The following ZMYM4 variants were observed in gnomAD, a reference collection of about 807,000 sequenced individuals.
The protein encoded by ZMYM4 is zinc finger MYM-type protein 4.
In ZMYM4, 31 loss-of-function variants were observed where a neutral mutation model predicts 183.2. The ratio of observed to expected loss-of-function variants is 0.17; its 90% CI spans 0.13 to 0.23. The LOEUF is 0.23. ZMYM4 is among the 10% of genes least tolerant of loss of function. The probability of loss-of-function intolerance (pLI) is 1.00; values close to 1 mark genes in which losing one functional copy is unlikely to be tolerated. For synonymous variants in ZMYM4, 592 were observed against 631.2 expected (o/e 0.94, Z 0.93); for missense variants, 1,273 against 1,840.3 (o/e 0.69, Z 5.64).
chr1:35,324,338 C>T (rs987564471), intron 1 of ZMYM4, among the ~76,000 whole-genome samples: 13 of 152,076 alleles, frequency 8.5e-5, no homozygotes, highest in Non-Finnish European at 1.9e-4. Flanking sequence ...ACCTTGTGAT[C>T]CGCCCACCTC....
At chr1:35,392,409 C>G in intron 16 of ZMYM4, 57 bp downstream of exon 16, 2 of 1,561,002 alleles carry the variant, frequency 1.3e-6, no homozygotes, top group Non-Finnish European at 1.7e-6. Flanking sequence ...GCAGTGGTCC[C>G]CTAACTTCCT....
At chr1:35,392,946 T>C (rs1051040526) in intron 17 of ZMYM4, among the ~76,000 whole-genome samples, 1 of 152,222 alleles carries the variant, frequency 6.6e-6, no homozygotes, top group Middle Eastern at 3.2e-3. Flanking sequence ...GTACAGGATT[T>C]AGGCCTGAAA....
chr1:35,405,634 G>A (rs1289936749), intron 25 of ZMYM4, among the ~76,000 whole-genome samples, 166 bp downstream of exon 25: 3 of 152,168 alleles, frequency 2.0e-5, no homozygotes, highest in Admixed American at 6.5e-5. Flanking sequence ...GTAAGGTTAT[G>A]TCTTCTGCTC....
At chr1:35,291,729 C>G (rs1369530066) in intron 1 of ZMYM4, among the ~76,000 whole-genome samples, 1 of 151,662 alleles carries the variant, frequency 6.6e-6, no homozygotes, top group East Asian at 1.9e-4. Flanking sequence ...CCTATGCCTC[C>G]TGAGTTCAAG....
chr1:35,354,498 G>A (rs1443279748), intron 2 of ZMYM4, among the ~76,000 whole-genome samples: 1 of 152,076 alleles, frequency 6.6e-6, no homozygotes, highest in African/African-American at 2.4e-5. Flanking sequence ...GGCCAAGGCG[G>A]GTGGATCACC....
At chr1:35,415,003 G>C (rs902076895) in intron 27 of ZMYM4, among the ~76,000 whole-genome samples, 3 of 152,118 alleles carry the variant, frequency 2.0e-5, no homozygotes, top group Admixed American at 2.0e-4. Context: ...AGCCCTGATC[G>C]TGCCACTGCA....
chr1:35,419,450 T>G lies in ZMYM4; in HGVS notation c.4440-20T>G, dbSNP rs1409826241. 2 of 1,605,822 alleles carry G rather than the reference T, an allele frequency of 1.2e-6. No individual in the cohort carries two copies. Among genetic ancestry groups the G allele is most frequent in the Non-Finnish European group, 1.7e-6 (2 of 1,177,434 alleles). ...TTTCTAATTTTCTTTTTTCTCTTTT[T>G]TTTTTTCCCCTGTGGATAGTTCTGA... On this transcript the variant is annotated intron_variant, in intron 29 of 29. Transcript: ENST00000314607.
Position 35,387,438 on chromosome 1 carries a change from G to A in ZMYM4, c.2113-16G>A, listed in dbSNP as rs1644601857. 2 of 1,595,696 alleles carry A rather than the reference G, an allele frequency of 1.3e-6. No individual in the cohort carries two copies. The highest frequency in any genetic ancestry group is 2.2e-5 in the East Asian group (1 of 44,792). ...ACCAAATGTTTAATTAGTACTTAAT[G>A]ATTATTTCTTTGCAGGGCAAAATGT... On this transcript the variant is annotated splice_polypyrimidine_tract_variant and intron_variant, in intron 12 of 29. Transcript: ENST00000314607.
At position 35,359,441 on chromosome 1, in the gene ZMYM4, AAGC is replaced by A; in HGVS notation, c.605_607del (p.Ala203del). 2 of 1,556,490 alleles carry A rather than the reference AAGC, an allele frequency of 1.3e-6. No homozygotes were observed. Among genetic ancestry groups the A allele is most frequent in the South Asian group, 2.5e-5 (2 of 80,038 alleles). On this transcript the variant is annotated inframe_deletion and splice_region_variant, in exon 3 of 30. Coordinates refer to ENST00000314607, the MANE Select transcript of ZMYM4 (RefSeq NM_005095.3). ...AGGTTGAAAAGCAGTTTTTTTGATA[AAGC>A]AGGTAATAATTGTTGGACTTAGAAC...
At position 35,268,766 on chromosome 1, in the gene ZMYM4, T is replaced by G. The variant is rs1292631953; in HGVS notation, c.-281T>G. 6.6e-6 allele frequency among the ~76,000 whole-genome samples: 1 copy of G among 152,188 alleles called. No homozygotes were observed. The highest frequency in any genetic ancestry group is 2.4e-5 in the African/African-American group (1 of 41,468). On this transcript the variant is annotated 5_prime_UTR_variant, in exon 1 of 30. Coordinates refer to ENST00000314607, the MANE Select transcript of ZMYM4 (RefSeq NM_005095.3). ...GAGGAATTTCTCTGAGAGAAAATAA[T>G]CCTACTCACGGGGCCCCTTGGAGGC...
intron 1 of ZMYM4, among the ~76,000 whole-genome samples, chr1:35,306,101 T>C (rs1641520545): frequency 6.6e-6 from 1 of 152,228 alleles, no homozygotes; most frequent in Non-Finnish European, 1.5e-5. Context: ...TTGTGTCTTA[T>C]TGATGCCATT....
At chr1:35,302,398 T>G (rs1387286412) in intron 1 of ZMYM4, among the ~76,000 whole-genome samples, 2 of 140,780 alleles carry the variant, frequency 1.4e-5, no homozygotes, top group South Asian at 2.3e-4. Context: ...TTTTTTTTTT[T>G]TTTTTGAGAT....
At chr1:35,397,596 T>C (rs776154597) in intron 20 of ZMYM4, 51 bp downstream of exon 20, 103 of 1,478,056 alleles carry the variant, frequency 7.0e-5, no homozygotes, top group Non-Finnish European at 8.8e-5. Flanking sequence ...TTTACACATT[T>C]TCAGGTGACT....
chr1:35,332,916 A>G (rs1049219729), intron 2 of ZMYM4, among the ~76,000 whole-genome samples: 1 of 152,094 alleles, frequency 6.6e-6, no homozygotes, highest in African/African-American at 2.4e-5. Context: ...ATGCTGGTGC[A>G]TCATCTTTTC....
chr1:35,282,616 T>A (rs1043723567), intron 1 of ZMYM4, among the ~76,000 whole-genome samples: 1 of 152,116 alleles, frequency 6.6e-6, no homozygotes, highest in African/African-American at 2.4e-5. Flanking sequence ...AGTACAGTGG[T>A]GTGATCATGG....
At chr1:35,324,541 A>G (rs1021424711) in intron 1 of ZMYM4, among the ~76,000 whole-genome samples, 33 of 152,172 alleles carry the variant, frequency 2.2e-4, no homozygotes, top group African/African-American at 7.7e-4. Context: ...ATCAGATACT[A>G]CTGATTACTA....
chr1:35,350,310 A>G lies in ZMYM4; in HGVS notation c.86-8615A>G, dbSNP rs527848229. 2.7e-5 allele frequency among the ~76,000 whole-genome samples: 4 copies of G among 149,182 alleles called. No individual in the cohort carries two copies. In the East Asian group the frequency reaches 7.8e-4, roughly 29 times the overall value. On this transcript the variant is annotated intron_variant, in intron 2 of 29. Transcript: ENST00000314607. ...GTTGAAATTACTTTTTTTTTTTGAGACAGAGTCTTGCTCTGTTGCCCAGGC... is the reference window on the plus strand; with the variant it reads ...GTTGAAATTACTTTTTTTTTTTGAGGCAGAGTCTTGCTCTGTTGCCCAGGC...
chr1:35,305,823 A>G (rs2148764053), intron 1 of ZMYM4, among the ~76,000 whole-genome samples: 1 of 152,310 alleles, frequency 6.6e-6, no homozygotes, highest in East Asian at 1.9e-4. Context: ...TGTTGGGATT[A>G]CAGGTGTGAG....
At chr1:35,343,874 A>C (rs77906970) in intron 2 of ZMYM4, among the ~76,000 whole-genome samples, 9,779 of 151,564 alleles carry the variant, frequency 0.065, 915 homozygotes, top group East Asian at 0.43. Context: ...AAAAAAAAAA[A>C]ACAGAAAAAT....
Sources: gnomAD v4.1 joint callset for allele counts (sites outside exome capture counted in the v4.1 genomes callset) on GRCh38, gnomAD v4.1.1 for gene constraint, MANE v1.5 for transcripts, NCBI Gene and HGNC (gene_info 2026-07-23, HGNC 2026-07-21) for gene names.